CSNK1G2: variants seen among roughly 807,000 people sequenced by gnomAD.
CSNK1G2 encodes the protein casein kinase I isoform gamma-2.
In CSNK1G2, 11 loss-of-function variants were observed where a neutral mutation model predicts 48.0. That is an observed-to-expected ratio of 0.23 (90% CI 0.14 to 0.38). The LOEUF is 0.38. Among genes scored for constraint, CSNK1G2 ranks in the 10% least tolerant of loss-of-function variants. The probability of loss-of-function intolerance (pLI) is 1.00; values close to 1 mark genes in which losing one functional copy is unlikely to be tolerated. For missense variants in CSNK1G2, 446 were observed against 595.5 expected (o/e 0.75, Z 2.61); for synonymous variants, 337 against 254.1 (o/e 1.33, Z -3.10).
intron 2 of CSNK1G2, among the ~76,000 whole-genome samples, chr19:1,971,552 C>CG (rs2015570610): frequency 6.6e-6 from 1 of 152,218 alleles, no homozygotes; most frequent in South Asian, 2.1e-4. Context: ...CTAAAGCACA[C>CG]GCACACAGGC....
chr19:1,979,272 G>A (rs2015879989), intron 7 of CSNK1G2, 24 bp downstream of exon 7: 2 of 1,565,728 alleles, frequency 1.3e-6, no homozygotes. Flanking sequence ...CCGGGCAGGC[G>A]GGCGGGGACG....
chr19:1,979,281 C>T lies in CSNK1G2; in HGVS notation c.768+33C>T, dbSNP rs766073943. The T allele has an allele frequency of 8.9e-6, 14 of 1,570,590 alleles. 1 individual carries two copies. In the South Asian group the frequency reaches 1.3e-4, roughly 14 times the overall value. ...AGGAGGCCGGGCAGGCGGGCGGGGA[C>T]GCAGGGCGGGAGCAAGGCTGACCAC... On this transcript the variant is annotated intron_variant, in intron 7 of 11. Coordinates refer to ENST00000255641, the MANE Select transcript of CSNK1G2 (RefSeq NM_001319.7).
chr19:1,948,431 G>T (rs2014644048), intron 1 of CSNK1G2, among the ~76,000 whole-genome samples: 2 of 149,614 alleles, frequency 1.3e-5, no homozygotes, highest in African/African-American at 4.9e-5. Flanking sequence ...GCTGAGGGAG[G>T]AGAATGGCAT....
intron 2 of CSNK1G2, chr19:1,976,229 C>A: frequency 1.5e-6 from 1 of 678,868 alleles, no homozygotes; most frequent in Non-Finnish European, 2.2e-6. Flanking sequence ...AGGAGGGGAG[C>A]CCATTTGTTC....
intron 1 of CSNK1G2, among the ~76,000 whole-genome samples, chr19:1,944,182 C>T (rs1340782089): frequency 1.3e-5 from 2 of 152,226 alleles, no homozygotes; most frequent in African/African-American, 2.4e-5. Flanking sequence ...TGGTGTCAGG[C>T]GTGCCGGGTC....
At chr19:1,956,000 G>T (rs539661690) in intron 1 of CSNK1G2, among the ~76,000 whole-genome samples, 3 of 152,188 alleles carry the variant, frequency 2.0e-5, no homozygotes, top group African/African-American at 7.2e-5. Flanking sequence ...GAGCAGGGTC[G>T]GCACACAGCC....
rs371240277 is a variant in CSNK1G2, at chr19:1,966,840, A to G, written c.-265-2668A>G. Among the ~76,000 whole-genome samples the G allele has an allele frequency of 7.2e-5, 11 of 152,240 alleles. No individual in the cohort carries two copies. The East Asian group carries it at 1.5e-3, about 21-fold the overall frequency. ...AGGGCCACTCCCGGTTCCCATGATC[A>G]TTACCATTGCTTAGCAGTAAAGTAT... is the stretch of plus-strand genomic sequence containing the variant. On this transcript the variant is annotated intron_variant, in intron 1 of 11. Transcript: ENST00000255641.
chr19:1,968,469 G>GC (rs1310393971), intron 1 of CSNK1G2, among the ~76,000 whole-genome samples: 12 of 152,180 alleles, frequency 7.9e-5, no homozygotes, highest in Admixed American at 7.9e-4. Context: ...GGGCTGGCTG[G>GC]CCCCCTCGCT....
intron 1 of CSNK1G2, among the ~76,000 whole-genome samples, chr19:1,967,302 C>T (rs550740643): frequency 3.3e-5 from 5 of 152,292 alleles, no homozygotes; most frequent in African/African-American, 9.6e-5. Flanking sequence ...ACATTTTCGG[C>T]GATGGCTGTG....
Position 1,957,031 on chromosome 19 carries a change from C to T in CSNK1G2, c.-265-12477C>T, listed in dbSNP as rs907812435. ...TCTGCAGAGGGAAGGCTGGTGGTGG[C>T]GCCCCCCTTCGACGGTCGTGCCCTG... On this transcript the variant is annotated intron_variant, in intron 1 of 11. Transcript: ENST00000255641. The surrounding 1 kb of genome is among the most constrained non-coding windows in gnomAD (Gnocchi z 5.4). Among the ~76,000 whole-genome samples, 2 of 152,138 alleles carry T rather than the reference C, an allele frequency of 1.3e-5. No homozygotes were observed. The highest frequency in any genetic ancestry group is 2.4e-5 in the African/African-American group (1 of 41,456).
chr19:1,953,375 G>A (rs764076938), intron 1 of CSNK1G2: 2 of 533,742 alleles, frequency 3.7e-6, no homozygotes, highest in South Asian at 1.4e-5. Flanking sequence ...CCTGGGTGGG[G>A]GTGTTCTCAC....
chr19:1,970,958 A>G (rs2015548735), intron 2 of CSNK1G2, among the ~76,000 whole-genome samples: 1 of 152,184 alleles, frequency 6.6e-6, no homozygotes, highest in African/African-American at 2.4e-5. Flanking sequence ...AGGCCCACGC[A>G]GTGGTCATGA....
chr19:1,950,816 T>G (rs972629552), intron 1 of CSNK1G2, among the ~76,000 whole-genome samples: 2 of 146,468 alleles, frequency 1.4e-5, no homozygotes, highest in African/African-American at 5.2e-5. Context: ...CTCTGGGGCA[T>G]CCAGGAGGGA....
At position 1,979,947 on chromosome 19, in the gene CSNK1G2, G is replaced by T; in HGVS notation, c.1123G>T (p.Asp375Tyr). 6.2e-7 allele frequency: 1 copy of T among 1,601,398 alleles called. No individual in the cohort carries two copies. Among genetic ancestry groups the T allele is most frequent in the Non-Finnish European group, 8.5e-7 (1 of 1,173,464 alleles). ...CACCAACGGGGAGCTGAATGCGGAC[G>T]ACCCCACGGCCGGCCACTCCAACGC... ...NSTNGELNAD[D>Y]PTAGHSNAPI... The change falls in exon 11 of 12, where the codon GAC becomes TAC. Residue 375 changes from aspartate (D) to tyrosine (Y), a missense_variant. By Grantham distance (160) the Asp-to-Tyr change is radical. This residue lies in a region of CSNK1G2 where 188 missense variants were observed against 179.6 expected (regional missense o/e 1.05). Coordinates refer to ENST00000255641, the MANE Select transcript of CSNK1G2 (RefSeq NM_001319.7).
At position 1,975,287 on chromosome 19, in the gene CSNK1G2, G is replaced by A. The variant is rs2015714861; in HGVS notation, c.188-3018G>A. 3 of 985,480 alleles carry A rather than the reference G, an allele frequency of 3.0e-6. No homozygotes were observed. In the South Asian group the frequency reaches 1.4e-4, roughly 46 times the overall value. The allele number at this position is 985,480 out of a possible 1,614,324, so 61.0% of individuals were successfully genotyped here. On this transcript the variant is annotated intron_variant, in intron 2 of 11. Coordinates refer to ENST00000255641, the MANE Select transcript of CSNK1G2 (RefSeq NM_001319.7). ...GATGATACATCGACAGACAGCAGAGGGACGGTGTAGCACACAGGCGAGGGC... is the reference window on the plus strand; with the variant it reads ...GATGATACATCGACAGACAGCAGAGAGACGGTGTAGCACACAGGCGAGGGC...
rs111876301 is a variant in CSNK1G2 at position 1,951,926 on chromosome 19, C to T, written c.-266+10508C>T. On this transcript the variant is annotated intron_variant, in intron 1 of 11. Coordinates refer to ENST00000255641, the MANE Select transcript of CSNK1G2 (RefSeq NM_001319.7). ...CGATCTCCTGACCTCGTGATCCACC[C>T]GCCTCGGCCTTCCAAAGTGCTGGGA... 6.6e-5 allele frequency among the ~76,000 whole-genome samples: 10 copies of T among 152,266 alleles called. 1 individual carries two copies. Among genetic ancestry groups the T allele is most frequent in the African/African-American group, 1.4e-4 (6 of 41,548 alleles).
chr19:1,961,004 G>A (rs527518066), intron 1 of CSNK1G2, among the ~76,000 whole-genome samples: 2 of 152,232 alleles, frequency 1.3e-5, no homozygotes, highest in Non-Finnish European at 2.9e-5. Flanking sequence ...GGTGTGGGCC[G>A]GTGTGCGGCG....
intron 1 of CSNK1G2, among the ~76,000 whole-genome samples, chr19:1,948,758 C>T (rs2014661572): frequency 6.6e-6 from 1 of 152,116 alleles, no homozygotes; most frequent in Non-Finnish European, 1.5e-5. Context: ...AGCAAAATAC[C>T]CTCGTATAGC....
At chr19:1,952,338 C>G (rs866212882) in intron 1 of CSNK1G2, among the ~76,000 whole-genome samples, 18 of 146,780 alleles carry the variant, frequency 1.2e-4, no homozygotes, top group Middle Eastern at 3.6e-3. Context: ...TTTTTTTTTT[C>G]TTGAGACAGA....
Sources: allele counts gnomAD v4.1 joint callset (sites outside exome capture counted in the v4.1 genomes callset), GRCh38; gene constraint gnomAD v4.1.1; regional missense constraint gnomAD v4.1.1; non-coding constraint Gnocchi (gnomAD v3.1); transcripts MANE v1.5; gene names NCBI Gene and HGNC (gene_info 2026-07-23, HGNC 2026-07-21).